The following CCNJL variants were observed in gnomAD, a reference collection of about 807,000 sequenced individuals.
The protein encoded by CCNJL is cyclin-J-like protein.
Under a neutral mutation model 33.4 loss-of-function variants are expected in CCNJL, and 33 were observed. That is an observed-to-expected ratio of 0.99 (90% CI 0.75 to 1.32). The LOEUF (loss-of-function observed/expected upper bound fraction) is 1.32. Ranked by LOEUF, CCNJL falls within the 40% of genes most tolerant of loss-of-function variation. The pLI, the probability that CCNJL is intolerant of heterozygous loss-of-function variation, is 0.00. For missense variants in CCNJL, 512 were observed against 499.7 expected (o/e 1.02, Z -0.23); for synonymous variants, 227 against 220.9 (o/e 1.03, Z -0.24).
At chr5:160,256,548 G>T (rs1761070621) in intron 4 of CCNJL, among the ~76,000 whole-genome samples, 1 of 152,236 alleles carries the variant, frequency 6.6e-6, no homozygotes, top group Admixed American at 6.5e-5. Flanking sequence ...TGCTAAATAT[G>T]TGCAAACAGT....
intron 2 of CCNJL, among the ~76,000 whole-genome samples, chr5:160,308,640 C>T (rs1349783677): frequency 6.6e-6 from 1 of 152,178 alleles, no homozygotes; most frequent in Non-Finnish European, 1.5e-5. Context: ...TGCCTGTAAT[C>T]CCAGCTACTC....
chr5:160,287,790 G>C (rs753700001), intron 2 of CCNJL, among the ~76,000 whole-genome samples: 4 of 152,216 alleles, frequency 2.6e-5, no homozygotes, highest in Non-Finnish European at 5.9e-5. Flanking sequence ...GCGCTGGGCG[G>C]GCAGGAACCT....
chr5:160,307,144 G>C (rs1763119458), intron 2 of CCNJL, among the ~76,000 whole-genome samples: 1 of 152,206 alleles, frequency 6.6e-6, no homozygotes, highest in South Asian at 2.1e-4. Context: ...AGTCCATTTG[G>C]GGCTGTCTCA....
chr5:160,255,702 A>T lies in CCNJL; in HGVS notation c.590T>A (p.Ile197Lys). 1.2e-6 allele frequency: 2 copies of T among 1,613,730 alleles called. No individual in the cohort carries two copies. Among genetic ancestry groups the T allele is most frequent in the Non-Finnish European group, 8.5e-7 (1 of 1,180,022 alleles). The change falls in exon 5 of 6, where the codon ATA (isoleucine) becomes AAA (lysine). Residue 197 changes from isoleucine to lysine, a missense_variant. Ile to Lys is a moderately radical substitution (Grantham distance 102, BLOSUM62 -3). Transcript: ENST00000257536. ...YFLEVTLQDHIFYKFQPSVVA... is the reference protein window; with the variant it reads ...YFLEVTLQDHKFYKFQPSVVA... ...CACAGAAGGCTGGAATTTGTAGAAT[A>T]TGTGATCTGAAAGAAAGCCACGGAG...
chr5:160,325,441 C>T (rs926192405), intron 1 of CCNJL, among the ~76,000 whole-genome samples: 4 of 152,092 alleles, frequency 2.6e-5, no homozygotes, highest in African/African-American at 9.7e-5. Flanking sequence ...TTTGCTAATA[C>T]TATTGCTTTT....
Position 160,291,740 on chromosome 5 carries a change from G to A in CCNJL, c.67-11002C>T, listed in dbSNP as rs143454078. Among the ~76,000 whole-genome samples, 17 of 152,322 alleles carry A rather than the reference G, an allele frequency of 1.1e-4. No homozygotes were observed. In the East Asian group the frequency reaches 2.5e-3, roughly 22 times the overall value. On this transcript the variant is annotated intron_variant, in intron 2 of 5. Transcript: ENST00000257536. Reference sequence around the variant, plus strand: ...AACCACAGCTTTCACCTGCAGAAACGCCCTAGTAAGAACGTCCACATGGCC... The same window carrying A: ...AACCACAGCTTTCACCTGCAGAAACACCCTAGTAAGAACGTCCACATGGCC...
intron 3 of CCNJL, among the ~76,000 whole-genome samples, chr5:160,273,462 C>T (rs576781130): frequency 5.9e-5 from 9 of 151,936 alleles, no homozygotes; most frequent in African/African-American, 1.2e-4. Context: ...ACAAAAAGCA[C>T]AAAAATATGA....
chr5:160,277,929 T>C (rs576447569), intron 3 of CCNJL, among the ~76,000 whole-genome samples: 3 of 151,792 alleles, frequency 2.0e-5, no homozygotes, highest in Non-Finnish European at 2.9e-5. Context: ...TTTTCTGAGA[T>C]GGGGTTTCGT....
intron 2 of CCNJL, among the ~76,000 whole-genome samples, chr5:160,311,399 C>T (rs1763256335): frequency 6.6e-6 from 1 of 152,118 alleles, no homozygotes; most frequent in Non-Finnish European, 1.5e-5. Context: ...AGAGTTACTA[C>T]TTTTACTTAA....
intron 3 of CCNJL, among the ~76,000 whole-genome samples, chr5:160,265,107 C>T (rs1457237407): frequency 6.6e-6 from 1 of 152,162 alleles, no homozygotes; most frequent in Non-Finnish European, 1.5e-5. Flanking sequence ...TCTCTCATTC[C>T]TGTTGCCCAG....
intron 2 of CCNJL, among the ~76,000 whole-genome samples, chr5:160,290,393 G>A (rs148730349): frequency 0.018 from 2,711 of 151,916 alleles, 66 homozygotes; most frequent in African/African-American, 0.06. Flanking sequence ...AGCCTCCCGA[G>A]TAGCTGGAAT....
At chr5:160,282,690 A>C (rs187579555) in intron 2 of CCNJL, among the ~76,000 whole-genome samples, 33 of 152,106 alleles carry the variant, frequency 2.2e-4, no homozygotes, top group African/African-American at 5.5e-4. Flanking sequence ...ATGACCAACA[A>C]ACACATGAAA....
intron 3 of CCNJL, among the ~76,000 whole-genome samples, chr5:160,266,685 T>C (rs1318561874): frequency 1.3e-5 from 2 of 152,196 alleles, no homozygotes; most frequent in Non-Finnish European, 2.9e-5. Flanking sequence ...AGCTGCTGTA[T>C]TATTTATTGA....
chr5:160,314,322 T>C (rs989886135), upstream of CCNJL, among the ~76,000 whole-genome samples: 7 of 152,254 alleles, frequency 4.6e-5, no homozygotes, highest in African/African-American at 1.7e-4. Flanking sequence ...GAAAATTTAA[T>C]ATATTTAAAA....
At chr5:160,266,389 C>T (rs1192931705) in intron 3 of CCNJL, among the ~76,000 whole-genome samples, 1 of 152,174 alleles carries the variant, frequency 6.6e-6, no homozygotes, top group African/African-American at 2.4e-5. Context: ...AAAAGTAGCC[C>T]CAGAAAAGGC....
chr5:160,262,362 C>T (rs1238579090), intron 3 of CCNJL, among the ~76,000 whole-genome samples: 1 of 152,236 alleles, frequency 6.6e-6, no homozygotes. Flanking sequence ...CAATGGAAGG[C>T]ACCAGGGATT....
intron 2 of CCNJL, among the ~76,000 whole-genome samples, chr5:160,309,197 G>A (rs1207184753): frequency 6.6e-6 from 1 of 152,192 alleles, no homozygotes; most frequent in Non-Finnish European, 1.5e-5. Context: ...TGGATGATAG[G>A]GGCCAGATTT....
chr5:160,337,096 T>A (rs930554254), intron 1 of CCNJL, among the ~76,000 whole-genome samples: 2 of 147,026 alleles, frequency 1.4e-5, no homozygotes, highest in Admixed American at 1.4e-4. Flanking sequence ...CTCTGCCTCC[T>A]GGGCTCAAGC....
Position 160,253,105 on chromosome 5 carries a change from C to T in CCNJL, c.*273G>A. On this transcript the variant is annotated 3_prime_UTR_variant, in exon 6 of 6. Transcript: ENST00000257536. Reference sequence around the variant, plus strand: ...GCCTCTTATCAAGTCTTTCTCGATTCACTGGGCCCCTGTGTGGGGGGACGG... The same window carrying T: ...GCCTCTTATCAAGTCTTTCTCGATTTACTGGGCCCCTGTGTGGGGGGACGG... 1 of 366,212 alleles carries T rather than the reference C, an allele frequency of 2.7e-6. No homozygotes were observed. The highest frequency in any genetic ancestry group is 4.9e-6 in the Non-Finnish European group (1 of 204,162). The allele number at this position is 366,212 out of a possible 1,614,324, so 22.7% of individuals were successfully genotyped here. A position where few individuals can be genotyped will look rare whatever the true frequency, so the allele number is the denominator to read the frequency against.
Sources: gnomAD v4.1 joint callset for allele counts (sites outside exome capture counted in the v4.1 genomes callset) on GRCh38, gnomAD v4.1.1 for gene constraint, MANE v1.5 for transcripts, NCBI Gene and HGNC (gene_info 2026-07-23, HGNC 2026-07-21) for gene names.